The following TIAM1 variants were observed in gnomAD, a reference collection of about 807,000 sequenced individuals.
TIAM1 encodes the protein rho guanine nucleotide exchange factor TIAM1.
A neutral mutation model predicts 163.5 loss-of-function variants in TIAM1; 65 were observed. The observed-to-expected ratio is 0.40, with a 90% CI of 0.33 to 0.49. The LOEUF (loss-of-function observed/expected upper bound fraction) is 0.49, where lower values mean the gene tolerates loss of function less well. Among genes scored for constraint, TIAM1 ranks in the 20% least tolerant of loss-of-function variants. TIAM1 has a pLI of 0.77. For synonymous variants in TIAM1, 833 were observed against 810.1 expected (o/e 1.03, Z -0.48); for missense variants, 1,789 against 2,044.7 (o/e 0.87, Z 2.41).
chr21:31,495,730 G>A (rs567674018), intron 1 of TIAM1, among the ~76,000 whole-genome samples: 1 of 152,334 alleles, frequency 6.6e-6, no homozygotes, highest in South Asian at 2.1e-4. Context: ...GGCACTTTGG[G>A]AGGCCAAGGC....
intron 23 of TIAM1, among the ~76,000 whole-genome samples, chr21:31,131,868 A>C (rs970074055): frequency 2.6e-5 from 4 of 152,184 alleles, no homozygotes; most frequent in African/African-American, 9.7e-5. Context: ...GACTTGAGAG[A>C]GATGCCTTGA....
At chr21:31,497,659 G>T (rs527639164) in intron 1 of TIAM1, among the ~76,000 whole-genome samples, 15 of 152,082 alleles carry the variant, frequency 9.9e-5, no homozygotes, top group South Asian at 2.1e-4. Flanking sequence ...ATAAATAAAG[G>T]AAATAAAATT....
At chr21:31,418,819 G>A (rs1163044516) in intron 2 of TIAM1, among the ~76,000 whole-genome samples, 2 of 152,196 alleles carry the variant, frequency 1.3e-5, no homozygotes, top group East Asian at 1.9e-4. Flanking sequence ...GCTTCAGAGA[G>A]AGGCCTTTTG....
intron 2 of TIAM1, among the ~76,000 whole-genome samples, chr21:31,354,806 G>A (rs927208313): frequency 1.3e-5 from 2 of 152,144 alleles, no homozygotes; most frequent in African/African-American, 4.8e-5. Flanking sequence ...TCAGATGCCT[G>A]GTTTCTGAGA....
At chr21:31,308,915 G>T (rs572447747) in intron 2 of TIAM1, among the ~76,000 whole-genome samples, 5 of 152,096 alleles carry the variant, frequency 3.3e-5, no homozygotes, top group African/African-American at 1.2e-4. Context: ...CTGGGAGTTG[G>T]GGGGGTTAGT....
intron 20 of TIAM1, among the ~76,000 whole-genome samples, chr21:31,144,848 A>AAG (rs1555865027): frequency 8.1e-5 from 12 of 147,900 alleles, no homozygotes; most frequent in African/African-American, 2.6e-4. Flanking sequence ...AAAAAAAAAA[A>AAG]AAAAGAAAAG....
chr21:31,387,195 C>CTTTTTTTTTT (rs60592178), intron 2 of TIAM1, among the ~76,000 whole-genome samples: 8 of 75,146 alleles, frequency 1.1e-4, no homozygotes, highest in East Asian at 3.2e-4. Context: ...AGCTTATTCT[C>CTTTTTTTTTT]TTTTTTTTTT....
chr21:31,521,745 A>ACACACACACACACACACACAC (rs2047595411), intron 1 of TIAM1, among the ~76,000 whole-genome samples: 2 of 146,860 alleles, frequency 1.4e-5, no homozygotes, highest in Non-Finnish European at 1.5e-5. Context: ...CTCACACACA[A>ACACACACACACACACACACAC]ACACACACAC....
intron 2 of TIAM1, among the ~76,000 whole-genome samples, chr21:31,421,123 T>C (rs1394960580): frequency 6.8e-5 from 10 of 147,108 alleles, no homozygotes; most frequent in Non-Finnish European, 1.2e-4. Context: ...AGAGTGAGAC[T>C]TCCTCTTAAA....
At chr21:31,267,791 A>C (rs1253343673) in intron 3 of TIAM1, among the ~76,000 whole-genome samples, 3 of 152,188 alleles carry the variant, frequency 2.0e-5, no homozygotes, top group African/African-American at 7.2e-5. Flanking sequence ...TAATGGGTTT[A>C]TTTCTGGGAG....
intron 1 of TIAM1, among the ~76,000 whole-genome samples, chr21:31,497,500 C>T (rs180856565): frequency 8.0e-4 from 122 of 152,132 alleles, no homozygotes; most frequent in African/African-American, 2.9e-3. Flanking sequence ...ATGTTATATC[C>T]GTAATGGCAG....
intron 26 of TIAM1, among the ~76,000 whole-genome samples, chr21:31,125,763 CG>C (rs2082173574): frequency 6.6e-6 from 1 of 152,134 alleles, no homozygotes; most frequent in Non-Finnish European, 1.5e-5. Context: ...TTAGTGGAGA[CG>C]GGGCTTTGCC....
chr21:31,141,611 G>A lies in TIAM1; in HGVS notation c.3476-107C>T. ...CTCCAAGGTGCCTTTTTGCAGGACTGAGCAGAGAGTGGGTGGCAGGAAGAG... is the reference window on the plus strand; with the variant it reads ...CTCCAAGGTGCCTTTTTGCAGGACTAAGCAGAGAGTGGGTGGCAGGAAGAG... On this transcript the variant is annotated intron_variant, in intron 20 of 27. Coordinates refer to ENST00000541036, the MANE Select transcript of TIAM1 (RefSeq NM_001353694.2). The surrounding 1 kb of genome is among the most constrained non-coding windows in gnomAD (Gnocchi z 4.7). The A allele has an allele frequency of 7.6e-7, 1 of 1,307,718 alleles. No individual in the cohort carries two copies. Among genetic ancestry groups the A allele is most frequent in the Non-Finnish European group, 1.1e-6 (1 of 941,226 alleles). 81.0% of individuals were successfully genotyped at this position (1,307,718 alleles called of 1,614,324 possible). A position where few individuals can be genotyped will look rare whatever the true frequency, so the allele number is the denominator to read the frequency against.
At chr21:31,130,427 CAA>C in intron 24 of TIAM1, 112 bp from the exon 25 acceptor site, 1 of 798,600 alleles carries the variant, frequency 1.3e-6, no homozygotes, top group Admixed American at 2.2e-5. Flanking sequence ...TAGGCGTGCC[CAA>C]AGGATCTTCA....
chr21:31,201,957 T>C (rs1039277362), intron 12 of TIAM1, among the ~76,000 whole-genome samples: 44 of 152,216 alleles, frequency 2.9e-4, no homozygotes, highest in Admixed American at 1.0e-3. Context: ...CTCTAATCTT[T>C]GTAAAATCCT....
chr21:31,177,886 AC>A (rs1053400345), intron 15 of TIAM1, among the ~76,000 whole-genome samples: 4 of 152,098 alleles, frequency 2.6e-5, no homozygotes, highest in Non-Finnish European at 5.9e-5. Context: ...ACTCACGTGG[AC>A]CCCAAGGTCC....
chr21:31,213,134 T>C, intron 10 of TIAM1: 1 of 385,074 alleles, frequency 2.6e-6, no homozygotes, highest in Non-Finnish European at 4.6e-6. Context: ...CCAAATTTCC[T>C]CTTACATTCT....
intron 25 of TIAM1, among the ~76,000 whole-genome samples, chr21:31,128,941 GTTT>G (rs1244381937): frequency 6.8e-6 from 1 of 147,068 alleles, no homozygotes; most frequent in African/African-American, 2.6e-5. Context: ...ATCAGATCCA[GTTT>G]TACTGCTTAT....
chr21:31,437,991 A>C (rs1030126467), intron 2 of TIAM1, among the ~76,000 whole-genome samples: 1 of 152,124 alleles, frequency 6.6e-6, no homozygotes, highest in Non-Finnish European at 1.5e-5. Context: ...ACATTCAAAA[A>C]ATTATCTCAG....
Sources: allele counts gnomAD v4.1 joint callset (sites outside exome capture counted in the v4.1 genomes callset), GRCh38; gene constraint gnomAD v4.1.1; non-coding constraint Gnocchi (gnomAD v3.1); transcripts MANE v1.5; gene names NCBI Gene and HGNC (gene_info 2026-07-23, HGNC 2026-07-21).